FGF14: variants seen among roughly 807,000 people sequenced by gnomAD.
The protein encoded by FGF14 is fibroblast growth factor 14.
Under a neutral mutation model 25.5 loss-of-function variants are expected in FGF14, and 5 were observed. The observed-to-expected ratio is 0.20, with a 90% CI of 0.10 to 0.41. The LOEUF is 0.41. Among genes scored for constraint, FGF14 ranks in the 10% least tolerant of loss-of-function variants. The probability of loss-of-function intolerance (pLI) is 1.00; values close to 1 mark genes in which losing one functional copy is unlikely to be tolerated. For synonymous variants in FGF14, 138 were observed against 118.3 expected (o/e 1.17, Z -1.08); for missense variants, 222 against 320.1 (o/e 0.69, Z 2.34).
intron 1 of FGF14, among the ~76,000 whole-genome samples, chr13:102,154,481 C>T (rs562117260): frequency 1.3e-5 from 2 of 152,176 alleles, no homozygotes; most frequent in South Asian, 4.2e-4. Context: ...GATTTTGTCA[C>T]CACCAGGCCT....
At chr13:102,210,081 T>C (rs1336702) in intron 1 of FGF14, among the ~76,000 whole-genome samples, 120,244 of 151,626 alleles carry the variant, frequency 0.79, 47,894 homozygotes, top group African/African-American at 0.86. Context: ...AATATAGTTA[T>C]TTTTATTGGT....
rs1296703681 is a variant in FGF14, at chr13:101,722,115, G to GC, written c.*715dup. On this transcript the variant is annotated 3_prime_UTR_variant, in exon 5 of 5. Coordinates refer to ENST00000376143, the MANE Select transcript of FGF14 (RefSeq NM_004115.4). ...TGTGTTTGAGCCATTTCCCACCCAG[G>GC]CAATGCCGACCTTGGGAGCACAGTA... 1 of 153,328 alleles carries GC rather than the reference G, an allele frequency of 6.5e-6. No homozygotes were observed. Among genetic ancestry groups the GC allele is most frequent in the Non-Finnish European group, 1.5e-5 (1 of 68,944 alleles). The allele number at this position is 153,328 out of a possible 1,614,324, so 9.5% of individuals were successfully genotyped here.
chr13:101,830,899 C>T (rs1158120420), intron 3 of FGF14, among the ~76,000 whole-genome samples: 1 of 152,096 alleles, frequency 6.6e-6, no homozygotes, highest in Admixed American at 6.6e-5. Flanking sequence ...CTCTCTTCAT[C>T]TCTAAAGCCA....
chr13:102,007,923 T>C (rs1241153497), intron 1 of FGF14, among the ~76,000 whole-genome samples: 1 of 152,186 alleles, frequency 6.6e-6, no homozygotes, highest in African/African-American at 2.4e-5. Flanking sequence ...GGAATGGGTG[T>C]ATAATACAAG....
At chr13:102,381,821 T>C (rs987382214) in intron 1 of FGF14, among the ~76,000 whole-genome samples, 2 of 152,170 alleles carry the variant, frequency 1.3e-5, no homozygotes, top group Non-Finnish European at 2.9e-5. Flanking sequence ...ATTTTTAGAG[T>C]GTTCTTTGGT....
chr13:101,741,258 C>G (rs1261569808), intron 3 of FGF14, among the ~76,000 whole-genome samples: 1 of 152,116 alleles, frequency 6.6e-6, no homozygotes, highest in Admixed American at 6.6e-5. Context: ...ATTGCTTGAA[C>G]CAGGGAGGCA....
intron 1 of FGF14, chr13:102,354,105 C>T (rs1452039282): frequency 6.6e-6 from 1 of 152,300 alleles, no homozygotes; most frequent in Non-Finnish European, 1.5e-5. Flanking sequence ...AAAAAAGCTA[C>T]ATACCTCCCT....
At chr13:102,287,165 A>G (rs926758739) in intron 1 of FGF14, among the ~76,000 whole-genome samples, 3 of 152,230 alleles carry the variant, frequency 2.0e-5, no homozygotes, top group African/African-American at 7.2e-5. Context: ...ACAGTATTTC[A>G]GAGAAAAAAA....
At chr13:102,252,694 G>A (rs1184252180) in intron 1 of FGF14, among the ~76,000 whole-genome samples, 1 of 150,624 alleles carries the variant, frequency 6.6e-6, no homozygotes, top group Non-Finnish European at 1.5e-5. Flanking sequence ...TTAAGTTTTG[G>A]TTAAATGGGT....
chr13:101,804,650 CTG>C (rs2041096985), intron 3 of FGF14, among the ~76,000 whole-genome samples: 1 of 152,100 alleles, frequency 6.6e-6, no homozygotes, highest in East Asian at 1.9e-4. Flanking sequence ...TAAGTTGTAA[CTG>C]TATTTTATAC....
At chr13:102,290,362 TC>T (rs1445215244) in intron 1 of FGF14, among the ~76,000 whole-genome samples, 2 of 152,126 alleles carry the variant, frequency 1.3e-5, no homozygotes, top group African/African-American at 4.8e-5. Context: ...ATATTGGACA[TC>T]CCAGCTTCCA....
chr13:101,894,921 A>G (rs2030403148), intron 1 of FGF14, among the ~76,000 whole-genome samples: 1 of 152,196 alleles, frequency 6.6e-6, no homozygotes, highest in African/African-American at 2.4e-5. Context: ...TATTAATTCT[A>G]CTGTAACCTT....
At chr13:102,227,090 C>T (rs2050858298) in intron 1 of FGF14, among the ~76,000 whole-genome samples, 2 of 152,076 alleles carry the variant, frequency 1.3e-5, no homozygotes, top group Admixed American at 6.6e-5. Flanking sequence ...CATTTTTCTT[C>T]CCAGTTTAAT....
chr13:101,902,210 A>G (rs1446428814), intron 1 of FGF14, among the ~76,000 whole-genome samples: 1 of 152,158 alleles, frequency 6.6e-6, no homozygotes, highest in Non-Finnish European at 1.5e-5. Flanking sequence ...CCCCCATCCC[A>G]AGAATTCTGG....
intron 1 of FGF14, among the ~76,000 whole-genome samples, chr13:102,109,495 T>C (rs2045107542): frequency 6.6e-6 from 1 of 152,226 alleles, no homozygotes; most frequent in African/African-American, 2.4e-5. Flanking sequence ...TGTGTATATA[T>C]ATCAAAACAC....
chr13:102,311,620 A>G (rs1326619767), intron 1 of FGF14, among the ~76,000 whole-genome samples: 12 of 152,172 alleles, frequency 7.9e-5, no homozygotes, highest in Non-Finnish European at 1.5e-5. Flanking sequence ...AGGAGGAGAA[A>G]GTAAGCAGAA....
chr13:102,194,203 G>A (rs1047726833), intron 1 of FGF14, among the ~76,000 whole-genome samples: 8 of 152,010 alleles, frequency 5.3e-5, no homozygotes, highest in African/African-American at 1.9e-4. Flanking sequence ...CTTTTATTGA[G>A]AGCTTAAAAC....
At chr13:102,356,281 C>A (rs1366959731) in intron 1 of FGF14, among the ~76,000 whole-genome samples, 3 of 152,162 alleles carry the variant, frequency 2.0e-5, no homozygotes, top group Admixed American at 6.5e-5. Context: ...TTACTAAGAG[C>A]AAAACTTTTT....
chr13:102,125,348 G>A (rs1477237335), intron 1 of FGF14, among the ~76,000 whole-genome samples: 1 of 152,018 alleles, frequency 6.6e-6, no homozygotes, highest in African/African-American at 2.4e-5. Context: ...AGAAAACATA[G>A]AAAACCGTAA....
Sources: allele counts gnomAD v4.1 joint callset (sites outside exome capture counted in the v4.1 genomes callset), GRCh38; gene constraint gnomAD v4.1.1; transcripts MANE v1.5; gene names NCBI Gene and HGNC (gene_info 2026-07-23, HGNC 2026-07-21).